The following GNG7 variants were observed in gnomAD, a reference collection of about 807,000 sequenced individuals.
The protein encoded by GNG7 is G protein subunit gamma 7.
A neutral mutation model predicts 4.0 loss-of-function variants in GNG7; 1 was observed. That is an observed-to-expected ratio of 0.25 (90% confidence interval 0.09 to 1.18). The LOEUF (loss-of-function observed/expected upper bound fraction) is 1.18. Ranked by LOEUF, GNG7 falls within the 50% of genes most tolerant of loss-of-function variation. The pLI, the probability that GNG7 is intolerant of heterozygous loss-of-function variation, is 0.50. For missense variants in GNG7, 86 were observed against 91.9 expected (o/e 0.94, Z 0.26); for synonymous variants, 34 against 36.9 (o/e 0.92, Z 0.29).
intron 1 of GNG7, among the ~76,000 whole-genome samples, chr19:2,694,623 A>G (rs1913202860): frequency 6.6e-6 from 1 of 151,768 alleles, no homozygotes; most frequent in Non-Finnish European, 1.5e-5. Context: ...AATCAGGGGG[A>G]CCCCCAGCTT....
chr19:2,686,647 C>G (rs7259187), intron 1 of GNG7, among the ~76,000 whole-genome samples: 68,301 of 151,998 alleles, frequency 0.45, 16,830 homozygotes, highest in African/African-American at 0.66. Flanking sequence ...CAGTGTTTGC[C>G]GCCAAGATGG....
intron 2 of GNG7, among the ~76,000 whole-genome samples, chr19:2,575,708 G>A (rs1165410140): frequency 1.8e-5 from 1 of 56,660 alleles, no homozygotes; most frequent in Non-Finnish European, 3.1e-5. Context: ...CACGCAGACA[G>A]GCAGGCACAC....
intron 1 of GNG7, among the ~76,000 whole-genome samples, chr19:2,670,813 G>A (rs1983433343): frequency 6.6e-6 from 1 of 151,880 alleles, no homozygotes; most frequent in Non-Finnish European, 1.5e-5. Flanking sequence ...GTCCCCTGGG[G>A]GACAGAATCA....
intron 2 of GNG7, among the ~76,000 whole-genome samples, chr19:2,586,121 G>T (rs1481292387): frequency 6.6e-6 from 1 of 152,218 alleles, no homozygotes; most frequent in Non-Finnish European, 1.5e-5. Context: ...TTTTGATGAT[G>T]AAAAACGGAA....
intron 2 of GNG7, among the ~76,000 whole-genome samples, chr19:2,581,306 G>A (rs1454262837): frequency 6.7e-6 from 1 of 148,546 alleles, no homozygotes; most frequent in Admixed American, 6.7e-5. Context: ...GGGGGGGGCC[G>A]CGGGGGTGGA....
At chr19:2,541,739 C>CA (rs60594527) in intron 3 of GNG7, among the ~76,000 whole-genome samples, 369 of 135,566 alleles carry the variant, frequency 2.7e-3, no homozygotes, top group East Asian at 9.5e-3. Context: ...AAGACTCCAT[C>CA]AAAAAAAAAA....
At chr19:2,652,541 C>T (rs1982857881) in intron 1 of GNG7, among the ~76,000 whole-genome samples, 4 of 152,150 alleles carry the variant, frequency 2.6e-5, no homozygotes, top group Admixed American at 2.6e-4. Context: ...ATCGCTTGAA[C>T]CCGAGAGGCA....
chr19:2,642,790 G>A (rs1023776806), intron 2 of GNG7: 12 of 456,612 alleles, frequency 2.6e-5, no homozygotes, highest in East Asian at 2.1e-4. Flanking sequence ...CATGGCGCCC[G>A]GCCAGAACTG....
intron 1 of GNG7, among the ~76,000 whole-genome samples, chr19:2,676,078 A>G (rs1315193543): frequency 1.3e-4 from 20 of 152,120 alleles, no homozygotes; most frequent in Admixed American, 1.3e-3. Flanking sequence ...GGAGGCAGAG[A>G]CTGGAGCGAT....
chr19:2,592,286 A>C (rs1980868848), intron 2 of GNG7, among the ~76,000 whole-genome samples: 1 of 152,218 alleles, frequency 6.6e-6, no homozygotes, highest in African/African-American at 2.4e-5. Context: ...GCAACCAAAA[A>C]CAACTCTTAA....
chr19:2,522,012 C>T (rs1978311517), intron 3 of GNG7, among the ~76,000 whole-genome samples: 1 of 152,174 alleles, frequency 6.6e-6, no homozygotes, highest in Admixed American at 6.5e-5. Context: ...TCACAGGACG[C>T]AGAGTCTCTT....
intron 1 of GNG7, among the ~76,000 whole-genome samples, chr19:2,651,276 C>T (rs1982809915): frequency 9.3e-6 from 1 of 107,442 alleles, no homozygotes; most frequent in African/African-American, 4.1e-5. Context: ...TTCCTTCCCT[C>T]CCTCCCTCCA....
chr19:2,657,389 T>TAC (rs1248183651), intron 1 of GNG7, among the ~76,000 whole-genome samples: 5 of 89,566 alleles, frequency 5.6e-5, no homozygotes, highest in African/African-American at 2.4e-4. Context: ...TATATATATA[T>TAC]ATATATATAT....
At chr19:2,583,208 T>G (rs1249751659) in intron 2 of GNG7, among the ~76,000 whole-genome samples, 1 of 152,216 alleles carries the variant, frequency 6.6e-6, no homozygotes, top group Non-Finnish European at 1.5e-5. Context: ...TTGGAATAAC[T>G]GTTCTTGAAA....
intron 1 of GNG7, among the ~76,000 whole-genome samples, chr19:2,696,346 GAAAA>G (rs749224484): frequency 9.6e-6 from 1 of 104,410 alleles, no homozygotes; most frequent in Non-Finnish European, 2.1e-5. Flanking sequence ...AAGAAAGAAA[GAAAA>G]GAAAGAAAAG....
rs946127030 is a variant in GNG7 at position 2,633,859 on chromosome 19, C to T, written c.-78+12365G>A. On this transcript the variant is annotated intron_variant, in intron 2 of 4. Coordinates refer to ENST00000382159, the MANE Select transcript of GNG7 (RefSeq NM_052847.3). The surrounding 1 kb of genome is among the most constrained non-coding windows in gnomAD (Gnocchi z 5.9). The stretch of plus-strand genomic sequence containing the variant: ...GAATCATTCTTGGTTGTGGGGCTGC[C>T]CCGGGCACTGCAGGGTGCTGAGTGG... Among the ~76,000 whole-genome samples, 1 of 152,114 alleles carries T rather than the reference C, an allele frequency of 6.6e-6. No homozygotes were observed. Among genetic ancestry groups the T allele is most frequent in the Non-Finnish European group, 1.5e-5 (1 of 67,996 alleles).
chr19:2,681,715 A>T lies in GNG7; in HGVS notation c.-135+20931T>A, dbSNP rs973988028. 7.2e-5 allele frequency among the ~76,000 whole-genome samples: 11 copies of T among 152,144 alleles called. 1 individual carries two copies. Among genetic ancestry groups the T allele is most frequent in the Admixed American group, 2.6e-4 (4 of 15,268 alleles). On this transcript the variant is annotated intron_variant, in intron 1 of 4. Transcript: ENST00000382159. ...GCTGTTTCCAGAGCAGCTGTACCAC[A>T]TGATGTTCCCAGCAGCGACGCATGA... is the stretch of plus-strand genomic sequence containing the variant.
At position 2,554,543 on chromosome 19, in the gene GNG7, CTA is replaced by C. The variant is rs1442355190; in HGVS notation, c.-38+604_-38+605del. ...TATATGTGTGTATAAAATATATATG[CTA>C]TATATATATATATATTTTTTTTTTT... On this transcript the variant is annotated intron_variant, in intron 3 of 4. Coordinates refer to ENST00000382159, the MANE Select transcript of GNG7 (RefSeq NM_052847.3). 3.3e-3 allele frequency among the ~76,000 whole-genome samples: 453 copies of C among 136,822 alleles called. 2 individuals are homozygous for C. Among genetic ancestry groups the C allele is most frequent in the East Asian group, 8.4e-3 (39 of 4,662 alleles). The allele number at this position is 136,822 out of a possible 152,430, so 89.8% of individuals were successfully genotyped here.
chr19:2,700,133 CT>C (rs61629688), intron 1 of GNG7, among the ~76,000 whole-genome samples: 20,129 of 141,744 alleles, frequency 0.14, 1,798 homozygotes, highest in African/African-American at 0.26. Flanking sequence ...TGTTGCAGTC[CT>C]TTTTTTTTTT....
Sources: allele counts gnomAD v4.1 joint callset (sites outside exome capture counted in the v4.1 genomes callset), GRCh38; gene constraint gnomAD v4.1.1; non-coding constraint Gnocchi (gnomAD v3.1); transcripts MANE v1.5; gene names NCBI Gene and HGNC (gene_info 2026-07-23, HGNC 2026-07-21).